Variants in LPIN2 observed in about 807,000 individuals in gnomAD.
LPIN2 encodes the protein lipin 2, also known as phosphatidate phosphatase LPIN2.
Under a neutral mutation model 111.4 loss-of-function variants are expected in LPIN2, and 55 were observed. The ratio of observed to expected loss-of-function variants is 0.49; its 90% confidence interval spans 0.40 to 0.62. The LOEUF is 0.62. Ranked by LOEUF, LPIN2 falls within the 20% of genes least tolerant of loss-of-function variation. The pLI, the probability that LPIN2 is intolerant of heterozygous loss-of-function variation, is 0.00. For synonymous variants in LPIN2, 425 were observed against 414.0 expected (o/e 1.03, Z -0.32); for missense variants, 992 against 1,112.1 (o/e 0.89, Z 1.54).
At chr18:2,930,665 G>T (rs1258132922) in intron 9 of LPIN2, among the ~76,000 whole-genome samples, 1 of 152,196 alleles carries the variant, frequency 6.6e-6, no homozygotes, top group African/African-American at 2.4e-5. Context: ...AAAAAATGCT[G>T]ATGAATTGAG....
At chr18:2,934,273 T>C in intron 8 of LPIN2, 78 bp downstream of exon 8, 1 of 1,104,536 alleles carries the variant, frequency 9.1e-7, no homozygotes, top group Non-Finnish European at 1.4e-6. Context: ...TGTTCCTTTT[T>C]CCTGAGATGA....
chr18:2,998,384 G>C (rs1055223152), intron 1 of LPIN2, among the ~76,000 whole-genome samples: 1 of 152,246 alleles, frequency 6.6e-6, no homozygotes, highest in African/African-American at 2.4e-5. Context: ...AACAGCACTT[G>C]AAAGTCAGAA....
At chr18:2,982,928 A>G in intron 1 of LPIN2, 1 of 354,760 alleles carries the variant, frequency 2.8e-6, no homozygotes, top group South Asian at 2.2e-5. Context: ...AGCAATGCAT[A>G]CACAAGTTTA....
intron 7 of LPIN2, 102 bp from the exon 8 acceptor site, chr18:2,934,552 T>C: frequency 1.3e-6 from 1 of 762,226 alleles, no homozygotes; most frequent in Non-Finnish European, 2.3e-6. Context: ...CAAGCAGGAT[T>C]TGAATAGGGT....
At chr18:2,931,555 C>T (rs1402793183) in intron 8 of LPIN2, 112 bp from the exon 9 acceptor site, 16 of 979,254 alleles carry the variant, frequency 1.6e-5, no homozygotes, top group South Asian at 1.5e-4. Flanking sequence ...CTAAAAAGAA[C>T]GGATGGACCT....
chr18:2,970,310 T>C (rs1290574829), intron 1 of LPIN2, among the ~76,000 whole-genome samples: 5 of 152,208 alleles, frequency 3.3e-5, no homozygotes, highest in African/African-American at 9.6e-5. Flanking sequence ...GCCATGTCTA[T>C]AATACGGGAC....
chr18:2,976,458 G>A lies in LPIN2; in HGVS notation c.-9-15609C>T, dbSNP rs140287698. ...ACCTGCTTTAGAAAGCAAGCTACAC[G>A]TGGAAAAAAGAATGTAGGCTGCCTT... is the stretch of plus-strand genomic sequence containing the variant. On this transcript the variant is annotated intron_variant, in intron 1 of 19. Transcript: ENST00000677752. 2.7e-3 allele frequency among the ~76,000 whole-genome samples: 416 copies of A among 152,290 alleles called. 1 individual carries two copies. The highest frequency in any genetic ancestry group is 9.3e-3 in the African/African-American group (387 of 41,572).
rs759651506 is a variant in LPIN2 at position 2,931,383 on chromosome 18, G to T, written c.1329C>A (p.Ser443=). The change falls in exon 9 of 20, where the codon TCC becomes TCA. Residue 443 remains serine (S), a synonymous_variant. Transcript: ENST00000677752. ...PESDTLSGSQ[S]PQSVGSAAAD... is the part of the protein sequence containing the mutation. ...CAGCTGCGCTTCCCACGGACTGTGG[G>T]GACTGGGAGCCAGAGAGTGTGTCAG... is the stretch of plus-strand genomic sequence containing the variant. The T allele has an allele frequency of 1.9e-5, 30 of 1,611,588 alleles. 1 individual carries two copies. Among genetic ancestry groups the T allele is most frequent in the African/African-American group, 4.0e-5 (3 of 74,912 alleles).
chr18:2,946,242 G>C, intron 4 of LPIN2: 2 of 1,554,140 alleles, frequency 1.3e-6, no homozygotes, highest in Non-Finnish European at 8.9e-7. Flanking sequence ...ACTGTCTTAG[G>C]GGCTTGAATG....
intron 17 of LPIN2, 118 bp downstream of exon 17, chr18:2,921,929 T>G: frequency 7.3e-7 from 1 of 1,362,178 alleles, no homozygotes; most frequent in Non-Finnish European, 9.9e-7. Context: ...ACCAAAGAAC[T>G]GGGAGAGGCG....
chr18:2,966,508 C>T (rs890969009), intron 1 of LPIN2, among the ~76,000 whole-genome samples: 29 of 152,164 alleles, frequency 1.9e-4, no homozygotes, highest in African/African-American at 7.0e-4. Context: ...TATTAAGTGG[C>T]AGAGTTAATA....
At chr18:2,987,331 T>C (rs1182137880) in intron 1 of LPIN2, among the ~76,000 whole-genome samples, 1 of 151,988 alleles carries the variant, frequency 6.6e-6, no homozygotes, top group Non-Finnish European at 1.5e-5. Context: ...GTTCCTATAC[T>C]CCAGATCAAA....
intron 15 of LPIN2, 122 bp downstream of exon 15, chr18:2,924,276 G>T: frequency 1.6e-6 from 2 of 1,238,720 alleles, no homozygotes; most frequent in Non-Finnish European, 2.4e-6. Context: ...AGAGCATATG[G>T]CTTATAAAAT....
intron 17 of LPIN2, 115 bp downstream of exon 17, chr18:2,921,932 G>A (rs1015420795): frequency 5.8e-6 from 8 of 1,370,472 alleles, no homozygotes; most frequent in Non-Finnish European, 6.9e-6. Context: ...AAAGAACTGG[G>A]AGAGGCGTGG....
chr18:2,934,133 A>G (rs967843715), intron 8 of LPIN2, among the ~76,000 whole-genome samples: 2 of 152,232 alleles, frequency 1.3e-5, no homozygotes, highest in Non-Finnish European at 2.9e-5. Context: ...ATCTCTCCTC[A>G]TTGTATTGAA....
At chr18:2,920,740 C>T in intron 19 of LPIN2, 38 bp downstream of exon 19, 6 of 1,513,388 alleles carry the variant, frequency 4.0e-6, no homozygotes, top group Non-Finnish European at 4.6e-6. Flanking sequence ...GTACCCCTGG[C>T]TGCAGGGCGC....
In LPIN2 at chr18:3,013,078, C is replaced by G. The variant is rs1321134950; in HGVS notation, c.-10+9G>C. 4 of 150,832 alleles carry G rather than the reference C, an allele frequency of 2.7e-5. No homozygotes were observed. Among genetic ancestry groups the G allele is most frequent in the Admixed American group, 2.6e-4 (4 of 15,166 alleles). 9.3% of individuals were successfully genotyped at this position (150,832 alleles called of 1,614,324 possible). Reference sequence around the variant, plus strand: ...ACGCCTGCGAGGAGCCCGGCCCGCGCCCACTTACCCACAGGGGCTCCGCTC... The same window carrying G: ...ACGCCTGCGAGGAGCCCGGCCCGCGGCCACTTACCCACAGGGGCTCCGCTC... On this transcript the variant is annotated intron_variant, in intron 1 of 19. Transcript: ENST00000677752.
At chr18:2,921,981 C>A (rs76543111) in intron 17 of LPIN2, 66 bp downstream of exon 17, 59 of 1,542,884 alleles carry the variant, frequency 3.8e-5, no homozygotes, top group South Asian at 1.2e-4. Flanking sequence ...CACATCCCCC[C>A]ACCTTGGGCC....
chr18:2,947,157 G>A (rs1168920034), intron 4 of LPIN2, among the ~76,000 whole-genome samples: 3 of 152,218 alleles, frequency 2.0e-5, no homozygotes, highest in Admixed American at 1.3e-4. Context: ...GTCTGCTTTA[G>A]TGGATTAAAA....
Sources: allele counts gnomAD v4.1 joint callset (sites outside exome capture counted in the v4.1 genomes callset), GRCh38; gene constraint gnomAD v4.1.1; transcripts MANE v1.5; gene names NCBI Gene and HGNC (gene_info 2026-07-23, HGNC 2026-07-21).